Variants in TNIK observed in about 807,000 individuals in gnomAD.
The protein encoded by TNIK is TRAF2 and NCK interacting kinase, also known as TRAF2 and NCK-interacting protein kinase.
TNIK carries 49 observed loss-of-function variants against 191.3 expected under a neutral mutation model. That is an observed-to-expected ratio of 0.26 (90% CI 0.20 to 0.32). The LOEUF (loss-of-function observed/expected upper bound fraction) is 0.32, where lower values mean the gene tolerates loss of function less well. Ranked by LOEUF, TNIK falls within the 10% of genes least tolerant of loss-of-function variation. The pLI is 1.00. For missense variants in TNIK, 1,155 were observed against 1,702.3 expected (o/e 0.68, Z 5.66); for synonymous variants, 594 against 600.9 (o/e 0.99, Z 0.17).
At chr3:171,399,303 T>C (rs1168444769) in intron 1 of TNIK, among the ~76,000 whole-genome samples, 2 of 152,098 alleles carry the variant, frequency 1.3e-5, no homozygotes, top group Non-Finnish European at 2.9e-5. Flanking sequence ...AGAGCTCAAG[T>C]AGATGCAAAC....
chr3:171,218,044 C>A (rs1389336027), intron 3 of TNIK, among the ~76,000 whole-genome samples: 4 of 152,144 alleles, frequency 2.6e-5, no homozygotes, highest in African/African-American at 9.6e-5. Flanking sequence ...CCGTGTTCTA[C>A]ATATTGTTCT....
intron 18 of TNIK, among the ~76,000 whole-genome samples, chr3:171,123,086 A>G (rs76943391): frequency 0.016 from 2,403 of 152,328 alleles, 56 homozygotes; most frequent in African/African-American, 0.055. Flanking sequence ...ACTTCCTCGT[A>G]AGAGCTAGTT....
At chr3:171,343,221 T>C (rs1711586023) in intron 2 of TNIK, among the ~76,000 whole-genome samples, 1 of 152,094 alleles carries the variant, frequency 6.6e-6, no homozygotes, top group Admixed American at 6.6e-5. Context: ...CCGTTTACAG[T>C]AGAGAAACCT....
Position 171,126,002 on chromosome 3 carries a change from A to G in TNIK, c.1923T>C (p.Asp641=). ...HRVEMPRQNS[D]PTSENPPLPT... is the part of the protein sequence containing the mutation. ...GGAGAGGAGGATTTTCCGAGGTGGG[A>G]TCTGAGTTCTGGCGTGGCATCTCCA... is the stretch of plus-strand genomic sequence containing the variant. Residue 641 remains aspartate (D), a synonymous_variant, in exon 17 of 33, where the codon GAT becomes GAC. Transcript: ENST00000436636. 1.2e-6 allele frequency: 2 copies of G among 1,613,958 alleles called. No homozygotes were observed. Among genetic ancestry groups the G allele is most frequent in the Non-Finnish European group, 1.7e-6 (2 of 1,179,876 alleles).
intron 3 of TNIK, among the ~76,000 whole-genome samples, chr3:171,217,521 A>G (rs1346530616): frequency 5.3e-5 from 8 of 152,112 alleles, no homozygotes; most frequent in African/African-American, 1.9e-4. Context: ...AAACCTGCAC[A>G]TGTACCTCCT....
intron 1 of TNIK, among the ~76,000 whole-genome samples, chr3:171,382,660 A>G (rs1718197489): frequency 6.6e-6 from 1 of 152,178 alleles, no homozygotes; most frequent in African/African-American, 2.4e-5. Context: ...TCCAGATGGA[A>G]TATGTGACTG....
intron 21 of TNIK, among the ~76,000 whole-genome samples, chr3:171,105,919 T>C (rs1448735244): frequency 1.3e-5 from 2 of 152,168 alleles, no homozygotes; most frequent in Non-Finnish European, 2.9e-5. Flanking sequence ...CTCACTATTA[T>C]GAGAGAGAGG....
intron 2 of TNIK, among the ~76,000 whole-genome samples, chr3:171,356,845 A>G (rs1225249142): frequency 4.6e-5 from 7 of 152,200 alleles, no homozygotes; most frequent in African/African-American, 1.7e-4. Flanking sequence ...AGGTCAAATG[A>G]AATAATGAAT....
chr3:171,300,539 T>C (rs1484064053), intron 2 of TNIK, among the ~76,000 whole-genome samples: 2 of 151,718 alleles, frequency 1.3e-5, no homozygotes. Flanking sequence ...GAATTGTGAG[T>C]GAAAAAAAAA....
At chr3:171,407,513 C>T (rs1441793458) in intron 1 of TNIK, among the ~76,000 whole-genome samples, 1 of 152,116 alleles carries the variant, frequency 6.6e-6, no homozygotes, top group Non-Finnish European at 1.5e-5. Flanking sequence ...GCTCTTTAAA[C>T]AGACTGAGGG....
intron 1 of TNIK, among the ~76,000 whole-genome samples, chr3:171,398,198 T>C (rs1436912684): frequency 1.3e-5 from 2 of 152,192 alleles, no homozygotes; most frequent in Non-Finnish European, 2.9e-5. Context: ...ACTTTTCAAA[T>C]CATTCCTCCT....
chr3:171,444,051 TA>T lies in TNIK; in HGVS notation c.57+15955del, dbSNP rs1315474172. Among the ~76,000 whole-genome samples, 9 of 152,342 alleles carry T rather than the reference TA, an allele frequency of 5.9e-5. No individual in the cohort carries two copies. The South Asian group carries it at 1.4e-3, about 25-fold the overall frequency. On this transcript the variant is annotated intron_variant, in intron 1 of 32. Transcript: ENST00000436636. ...GGGGAGGTCTTCAAATTTACATTTT[TA>T]AAAGCATTTTCCCCAGCAATGAGTA...
intron 29 of TNIK, among the ~76,000 whole-genome samples, chr3:171,070,438 G>A (rs1371382231): frequency 1.3e-5 from 2 of 152,104 alleles, no homozygotes; most frequent in African/African-American, 4.8e-5. Flanking sequence ...GAAGTAGACA[G>A]ACATAAGCTG....
At chr3:171,385,054 A>C (rs1283674442) in intron 1 of TNIK, among the ~76,000 whole-genome samples, 2 of 152,204 alleles carry the variant, frequency 1.3e-5, no homozygotes, top group Admixed American at 6.6e-5. Flanking sequence ...TACCCATCAC[A>C]AACTGAGCTC....
intron 2 of TNIK, among the ~76,000 whole-genome samples, chr3:171,305,966 T>C (rs983024263): frequency 3.3e-5 from 5 of 152,066 alleles, no homozygotes; most frequent in African/African-American, 1.2e-4. Flanking sequence ...AAATCACTAA[T>C]TGCCCATCAA....
Position 171,211,036 on chromosome 3 carries a change from G to C in TNIK, c.306+80C>G, listed in dbSNP as rs1017132403. Reference sequence around the variant, plus strand: ...TTAAAGAAGGAGTTAATCAAATTTTGTCATGAGGATAGAAAAATGAACCAT... The same window carrying C: ...TTAAAGAAGGAGTTAATCAAATTTTCTCATGAGGATAGAAAAATGAACCAT... On this transcript the variant is annotated intron_variant, in intron 4 of 32. Transcript: ENST00000436636. 2.0e-6 allele frequency: 3 copies of C among 1,500,958 alleles called. No individual in the cohort carries two copies. The African/African-American group carries it at 4.2e-5, about 21-fold the overall frequency. The allele number at this position is 1,500,958 out of a possible 1,614,324, so 93.0% of individuals were successfully genotyped here.
chr3:171,426,054 G>C (rs1724522480), intron 1 of TNIK, among the ~76,000 whole-genome samples: 1 of 151,848 alleles, frequency 6.6e-6, no homozygotes, highest in Non-Finnish European at 1.5e-5. Context: ...CCCATTACTG[G>C]GTATATACCC....
chr3:171,062,422 AAC>A lies in TNIK; in HGVS notation c.*1457_*1458del, dbSNP rs1717917689. On this transcript the variant is annotated 3_prime_UTR_variant, in exon 33 of 33. Transcript: ENST00000436636. ...CGAGGTAGGTTAAAACAGGAAGCGCAACACAGATATTGTTTGCAACACCTCGA... is the reference window on the plus strand; with the variant it reads ...CGAGGTAGGTTAAAACAGGAAGCGCAACAGATATTGTTTGCAACACCTCGA... 6.6e-6 allele frequency: 1 copy of A among 152,206 alleles called. No homozygotes were observed. The highest frequency in any genetic ancestry group is 2.4e-5 in the African/African-American group (1 of 41,450). 9.4% of individuals were successfully genotyped at this position (152,206 alleles called of 1,614,324 possible).
intron 7 of TNIK, among the ~76,000 whole-genome samples, chr3:171,183,484 C>T (rs1736935375): frequency 1.3e-5 from 2 of 152,178 alleles, no homozygotes; most frequent in African/African-American, 4.8e-5. Context: ...GAAATTGATG[C>T]ATTGTGTGTA....
Sources: gnomAD v4.1 joint callset for allele counts (sites outside exome capture counted in the v4.1 genomes callset) on GRCh38, gnomAD v4.1.1 for gene constraint, MANE v1.5 for transcripts, NCBI Gene and HGNC (gene_info 2026-07-23, HGNC 2026-07-21) for gene names.